The following HS6ST3 variants were observed in gnomAD, a reference collection of about 807,000 sequenced individuals.
HS6ST3 encodes the protein heparan-sulfate 6-O-sulfotransferase 3.
Under a neutral mutation model 36.7 loss-of-function variants are expected in HS6ST3, and 12 were observed. The observed-to-expected ratio is 0.33, with a 90% confidence interval of 0.21 to 0.53. The LOEUF (loss-of-function observed/expected upper bound fraction) is 0.53. HS6ST3 is among the 20% of genes least tolerant of loss of function. The probability of loss-of-function intolerance (pLI) is 0.95; values close to 1 mark genes in which losing one functional copy is unlikely to be tolerated. For missense variants in HS6ST3, 584 were observed against 640.9 expected (o/e 0.91, Z 0.96); for synonymous variants, 240 against 257.5 (o/e 0.93, Z 0.65).
At chr13:96,496,048 G>A (rs1406404958) in intron 1 of HS6ST3, among the ~76,000 whole-genome samples, 1 of 152,194 alleles carries the variant, frequency 6.6e-6, no homozygotes, top group African/African-American at 2.4e-5. Context: ...TGCTGTTTGG[G>A]CCACATTAGA....
At chr13:96,262,790 T>G (rs1291826176) in intron 1 of HS6ST3, among the ~76,000 whole-genome samples, 1 of 151,796 alleles carries the variant, frequency 6.6e-6, no homozygotes, top group African/African-American at 2.4e-5. Flanking sequence ...TAAGTCAAAA[T>G]AGGGCATACG....
chr13:96,456,114 T>C (rs2055753422), intron 1 of HS6ST3, among the ~76,000 whole-genome samples: 1 of 152,216 alleles, frequency 6.6e-6, no homozygotes, highest in South Asian at 2.1e-4. Context: ...AGGTAAACTT[T>C]TAGAAGGACA....
intron 1 of HS6ST3, among the ~76,000 whole-genome samples, chr13:96,748,717 T>TA (rs1876624298): frequency 6.6e-6 from 1 of 152,064 alleles, no homozygotes; most frequent in Admixed American, 6.6e-5. Context: ...CTTGAGTCCC[T>TA]AAATGAGTGA....
At chr13:96,829,589 T>A (rs530691592) in intron 1 of HS6ST3, among the ~76,000 whole-genome samples, 1 of 152,204 alleles carries the variant, frequency 6.6e-6, no homozygotes, top group Non-Finnish European at 1.5e-5. Flanking sequence ...GTATTTGGTT[T>A]TCTGTGTCAT....
intron 1 of HS6ST3, among the ~76,000 whole-genome samples, chr13:96,257,762 T>C (rs1391948134): frequency 2.6e-5 from 4 of 152,014 alleles, no homozygotes; most frequent in Non-Finnish European, 5.9e-5. Context: ...AACATGGGAA[T>C]AAAGGAAAGA....
intron 1 of HS6ST3, among the ~76,000 whole-genome samples, chr13:96,705,422 A>G (rs144858941): frequency 6.6e-6 from 1 of 152,264 alleles, no homozygotes; most frequent in Non-Finnish European, 1.5e-5. Flanking sequence ...CCAGGTGATA[A>G]TATTCATGGG....
At position 96,470,888 on chromosome 13, in the gene HS6ST3, G is replaced by A. The variant is rs550324363; in HGVS notation, c.708-361602G>A. On this transcript the variant is annotated intron_variant, in intron 1 of 1. Transcript: ENST00000376705. ...CCATTTAGGTCTCAGCTTAACTATCGGTTCCTCCAAGAGGACATTGTGGAG... is the reference window on the plus strand; with the variant it reads ...CCATTTAGGTCTCAGCTTAACTATCAGTTCCTCCAAGAGGACATTGTGGAG... 7.9e-5 allele frequency among the ~76,000 whole-genome samples: 12 copies of A among 152,122 alleles called. No individual in the cohort carries two copies. The South Asian group carries it at 1.5e-3, about 18-fold the overall frequency.
rs150039397 is a variant in HS6ST3 at position 96,470,085 on chromosome 13, C to T, written c.708-362405C>T. 6.1e-3 allele frequency among the ~76,000 whole-genome samples: 922 copies of T among 152,060 alleles called. 20 individuals carry two copies. The highest frequency in any genetic ancestry group is 0.024 in the Middle Eastern group (7 of 294). On this transcript the variant is annotated intron_variant, in intron 1 of 1. Coordinates refer to ENST00000376705, the MANE Select transcript of HS6ST3 (RefSeq NM_153456.4). ...GGAAAATGAGAGTTGTAAAAGAAAA[C>T]CAACCCTGTAATACAGTAGTGCTAA...
chr13:96,347,099 C>T (rs2055159782), intron 1 of HS6ST3, among the ~76,000 whole-genome samples: 1 of 152,102 alleles, frequency 6.6e-6, no homozygotes, highest in African/African-American at 2.4e-5. Context: ...TTGGCTGCCA[C>T]CTTCATTGCA....
chr13:96,539,828 T>A (rs1346532361), intron 1 of HS6ST3, among the ~76,000 whole-genome samples: 1 of 152,224 alleles, frequency 6.6e-6, no homozygotes, highest in Non-Finnish European at 1.5e-5. Context: ...CCTTTTGTAT[T>A]TGGACACATC....
chr13:96,693,345 C>G (rs541582801), intron 1 of HS6ST3, among the ~76,000 whole-genome samples: 1 of 152,198 alleles, frequency 6.6e-6, no homozygotes, highest in South Asian at 2.1e-4. Flanking sequence ...ACTTTTGTTA[C>G]CCAGGCTGGA....
intron 1 of HS6ST3, among the ~76,000 whole-genome samples, chr13:96,231,954 A>C (rs2139367980): frequency 6.6e-6 from 1 of 152,260 alleles, no homozygotes; most frequent in Middle Eastern, 3.4e-3. Flanking sequence ...CACCAGTGTG[A>C]AGGATTGTGT....
chr13:96,594,291 A>G (rs540046435), intron 1 of HS6ST3, among the ~76,000 whole-genome samples: 1 of 151,590 alleles, frequency 6.6e-6, no homozygotes, highest in South Asian at 2.1e-4. Context: ...TTTTTTAGAG[A>G]ATATAATATA....
At chr13:96,438,013 C>A (rs1214534685) in intron 1 of HS6ST3, among the ~76,000 whole-genome samples, 1 of 152,182 alleles carries the variant, frequency 6.6e-6, no homozygotes, top group African/African-American at 2.4e-5. Context: ...ACGCTCTTAA[C>A]AGTGAACTCG....
At chr13:96,270,375 G>C (rs748458) in intron 1 of HS6ST3, among the ~76,000 whole-genome samples, 1 of 151,870 alleles carries the variant, frequency 6.6e-6, no homozygotes, top group Non-Finnish European at 1.5e-5. Flanking sequence ...CAGGCTAATA[G>C]ACCTATTATT....
At chr13:96,224,667 A>G (rs188923827) in intron 1 of HS6ST3, among the ~76,000 whole-genome samples, 1 of 152,358 alleles carries the variant, frequency 6.6e-6, no homozygotes, top group East Asian at 1.9e-4. Flanking sequence ...ATATGTTCAC[A>G]GTATTATGTT....
At chr13:96,753,607 G>A (rs1447399575) in intron 1 of HS6ST3, among the ~76,000 whole-genome samples, 1 of 151,684 alleles carries the variant, frequency 6.6e-6, no homozygotes, top group Non-Finnish European at 1.5e-5. Context: ...AATTATTTTG[G>A]GTTTTCTTTA....
At chr13:96,784,096 A>AG (rs1877585351) in intron 1 of HS6ST3, among the ~76,000 whole-genome samples, 1 of 148,530 alleles carries the variant, frequency 6.7e-6, no homozygotes, top group Non-Finnish European at 1.5e-5. Context: ...CTTCTTGCTG[A>AG]GAAAAAAAAA....
chr13:96,682,388 A>T (rs1364777036), intron 1 of HS6ST3, among the ~76,000 whole-genome samples: 1 of 152,104 alleles, frequency 6.6e-6, no homozygotes, highest in Non-Finnish European at 1.5e-5. Flanking sequence ...TTTATTCCTC[A>T]TCCATGTTTA....
Sources: gnomAD v4.1 joint callset for allele counts (sites outside exome capture counted in the v4.1 genomes callset) on GRCh38, gnomAD v4.1.1 for gene constraint, MANE v1.5 for transcripts, NCBI Gene and HGNC (gene_info 2026-07-23, HGNC 2026-07-21) for gene names.